The following UVRAG variants were observed in gnomAD, a reference collection of about 807,000 sequenced individuals.
UVRAG encodes UV radiation resistance-associated gene protein.
In UVRAG, 19 loss-of-function variants were observed where a neutral mutation model predicts 78.0. The observed-to-expected ratio is 0.24, with a 90% CI of 0.17 to 0.36. The LOEUF (loss-of-function observed/expected upper bound fraction) is 0.36. UVRAG is among the 10% of genes least tolerant of loss of function. The probability of loss-of-function intolerance (pLI) is 1.00; values close to 1 mark genes in which losing one functional copy is unlikely to be tolerated. For synonymous variants in UVRAG, 323 were observed against 324.6 expected (o/e 1.00, Z 0.05); for missense variants, 740 against 853.8 (o/e 0.87, Z 1.66).
chr11:75,966,868 C>G lies in UVRAG; in HGVS notation c.699+5319C>G, dbSNP rs575361540. 7.2e-5 allele frequency among the ~76,000 whole-genome samples: 11 copies of G among 152,282 alleles called. No homozygotes were observed. The South Asian group carries it at 2.1e-3, about 29-fold the overall frequency. Reference sequence around the variant, plus strand: ...GGCACAAGCTTCTTTCTGTTTGTCTCATGCATGTGTAGTATAGGATTCAGT... The same window carrying G: ...GGCACAAGCTTCTTTCTGTTTGTCTGATGCATGTGTAGTATAGGATTCAGT... On this transcript the variant is annotated intron_variant, in intron 7 of 14. Coordinates refer to ENST00000356136, the MANE Select transcript of UVRAG (RefSeq NM_003369.4).
intron 3 of UVRAG, among the ~76,000 whole-genome samples, chr11:75,862,401 T>G (rs942004140): frequency 6.6e-6 from 1 of 152,180 alleles, no homozygotes. Flanking sequence ...ATGGCTCAAT[T>G]TATTAGGCTG....
At chr11:76,011,267 A>G (rs1950045221) in intron 11 of UVRAG, among the ~76,000 whole-genome samples, 1 of 152,196 alleles carries the variant, frequency 6.6e-6, no homozygotes, top group Non-Finnish European at 1.5e-5. Flanking sequence ...ATTCATTCCC[A>G]TTCCCCATTA....
chr11:76,141,988 ATCT>A lies in UVRAG; in HGVS notation c.*579_*581del, dbSNP rs1432786636. ...CACCTTTAGACCCTACTGTCGCCCC[ATCT>A]TCTCCGTGGATGGGCCATGCGTCCT... On this transcript the variant is annotated 3_prime_UTR_variant, in exon 15 of 15. Transcript: ENST00000356136. The A allele has an allele frequency of 6.5e-6, 1 of 153,136 alleles. No homozygotes were observed. Among genetic ancestry groups the A allele is most frequent in the East Asian group, 1.9e-4 (1 of 5,200 alleles). The allele number at this position is 153,136 out of a possible 1,614,324, so 9.5% of individuals were successfully genotyped here. A position where few individuals can be genotyped will look rare whatever the true frequency, so the allele number is the denominator to read the frequency against.
intron 1 of UVRAG, among the ~76,000 whole-genome samples, chr11:75,825,858 T>TG (rs1945499061): frequency 6.6e-6 from 1 of 151,786 alleles, no homozygotes; most frequent in Non-Finnish European, 1.5e-5. Flanking sequence ...TTTTTTGAGA[T>TG]GGAGTTTTGC....
At chr11:76,082,445 C>G (rs930013978) in intron 13 of UVRAG, among the ~76,000 whole-genome samples, 1 of 143,074 alleles carries the variant, frequency 7.0e-6, no homozygotes, top group Non-Finnish European at 1.5e-5. Flanking sequence ...GAGGCTGAGG[C>G]AGGAGAATGG....
chr11:76,005,159 C>A (rs1007226534), intron 9 of UVRAG, among the ~76,000 whole-genome samples: 3 of 152,018 alleles, frequency 2.0e-5, no homozygotes, highest in East Asian at 3.9e-4. Flanking sequence ...CTGGCTAACA[C>A]GGTGAAACCC....
chr11:76,018,646 A>T (rs1565122506), intron 12 of UVRAG, among the ~76,000 whole-genome samples: 1 of 152,164 alleles, frequency 6.6e-6, no homozygotes, highest in African/African-American at 2.4e-5. Flanking sequence ...TGACCTCATG[A>T]TCCACCCACC....
chr11:75,984,383 A>G (rs1451911451), intron 8 of UVRAG, among the ~76,000 whole-genome samples: 1 of 152,178 alleles, frequency 6.6e-6, no homozygotes. Context: ...TTTGTGTTAG[A>G]TGATTTTGCC....
intron 13 of UVRAG, among the ~76,000 whole-genome samples, chr11:76,086,555 A>G (rs1373483385): frequency 1.3e-5 from 2 of 152,194 alleles, no homozygotes; most frequent in Non-Finnish European, 2.9e-5. Flanking sequence ...TAGACTAGGA[A>G]CTTCTAGTTT....
chr11:75,843,916 G>A lies in UVRAG; in HGVS notation c.118-7967G>A, dbSNP rs550876857. On this transcript the variant is annotated intron_variant, in intron 1 of 14. Coordinates refer to ENST00000356136, the MANE Select transcript of UVRAG (RefSeq NM_003369.4). The stretch of plus-strand genomic sequence containing the variant: ...AGAGGTTGCAGTGAGCTGAGATTGC[G>A]CCACTGCACTCCAGCCTGGGTGACA... Among the ~76,000 whole-genome samples, 125 of 148,544 alleles carry A rather than the reference G, an allele frequency of 8.4e-4. 2 individuals carry two copies. Among genetic ancestry groups the A allele is most frequent in the Admixed American group, 7.8e-3 (116 of 14,812 alleles).
At chr11:75,889,568 T>G (rs1025796033) in intron 5 of UVRAG, among the ~76,000 whole-genome samples, 2 of 152,260 alleles carry the variant, frequency 1.3e-5, no homozygotes, top group African/African-American at 2.4e-5. Context: ...TTTTCTATTC[T>G]ACTATGGTGT....
chr11:75,909,856 C>A (rs1462456875), intron 5 of UVRAG, among the ~76,000 whole-genome samples: 1 of 151,960 alleles, frequency 6.6e-6, no homozygotes, highest in Admixed American at 6.6e-5. Context: ...TGTATAATTT[C>A]CTTTGTGTGT....
At chr11:76,081,363 GC>G (rs1441145044) in intron 13 of UVRAG, among the ~76,000 whole-genome samples, 2 of 151,846 alleles carry the variant, frequency 1.3e-5, no homozygotes, top group African/African-American at 4.8e-5. Context: ...CTGCCACCAC[GC>G]CCAACTAGTT....
At chr11:75,896,450 A>G (rs1688080044) in intron 5 of UVRAG, among the ~76,000 whole-genome samples, 3 of 152,136 alleles carry the variant, frequency 2.0e-5, no homozygotes, top group Admixed American at 2.0e-4. Flanking sequence ...GCTGCTTTTT[A>G]TGAATGCACA....
At chr11:76,136,907 AT>A (rs1249811642) in intron 14 of UVRAG, among the ~76,000 whole-genome samples, 10 of 152,146 alleles carry the variant, frequency 6.6e-5, no homozygotes, top group Non-Finnish European at 1.2e-4. Flanking sequence ...GTGAGTTTTT[AT>A]TTTTTTATAT....
intron 13 of UVRAG, among the ~76,000 whole-genome samples, chr11:76,095,179 G>C (rs2134434671): frequency 6.6e-6 from 1 of 152,218 alleles, no homozygotes; most frequent in Non-Finnish European, 1.5e-5. Flanking sequence ...AAGGAAATCT[G>C]GGGATATAAT....
At chr11:76,060,805 G>T (rs1254352548) in intron 12 of UVRAG, among the ~76,000 whole-genome samples, 3 of 152,230 alleles carry the variant, frequency 2.0e-5, no homozygotes, top group Non-Finnish European at 2.9e-5. Flanking sequence ...TCCCCGTGGG[G>T]CAGGGCTTGG....
chr11:75,981,526 C>A (rs1376749013), intron 7 of UVRAG, among the ~76,000 whole-genome samples: 2 of 151,984 alleles, frequency 1.3e-5, no homozygotes, highest in Admixed American at 6.6e-5. Flanking sequence ...TCATAGCTTA[C>A]CGCAGCCTCA....
intron 1 of UVRAG, among the ~76,000 whole-genome samples, chr11:75,826,438 A>G (rs1285790411): frequency 1.3e-5 from 2 of 152,184 alleles, no homozygotes; most frequent in East Asian, 3.9e-4. Flanking sequence ...TACAGGCGTG[A>G]GCCTGGCCGA....
Sources: gnomAD v4.1 joint callset for allele counts (sites outside exome capture counted in the v4.1 genomes callset) on GRCh38, gnomAD v4.1.1 for gene constraint, MANE v1.5 for transcripts, NCBI Gene and HGNC (gene_info 2026-07-23, HGNC 2026-07-21) for gene names.